Variants in SLC6A12 observed in about 807,000 individuals in gnomAD.
SLC6A12 encodes the protein solute carrier family 6 member 12.
A neutral mutation model predicts 73.3 loss-of-function variants in SLC6A12; 50 were observed. The observed-to-expected ratio is 0.68, with a 90% confidence interval of 0.54 to 0.86. The LOEUF is 0.86. Ranked by LOEUF, SLC6A12 falls within the 40% of genes least tolerant of loss-of-function variation. The probability of loss-of-function intolerance (pLI) is 0.00; values close to 1 mark genes in which losing one functional copy is unlikely to be tolerated. For missense variants in SLC6A12, 648 were observed against 772.8 expected (o/e 0.84, Z 1.92); for synonymous variants, 304 against 309.2 (o/e 0.98, Z 0.18).
chr12:194,449 G>A (rs188375938), intron 13 of SLC6A12, among the ~76,000 whole-genome samples: 4 of 152,348 alleles, frequency 2.6e-5, no homozygotes, highest in South Asian at 2.1e-4. Flanking sequence ...TCCCCCAAGC[G>A]GTGCAGTGGA....
downstream of SLC6A12, among the ~76,000 whole-genome samples, chr12:188,286 C>A (rs1031852431): frequency 1.3e-5 from 2 of 152,170 alleles, no homozygotes; most frequent in Non-Finnish European, 2.9e-5. Flanking sequence ...TAAGGCCCAG[C>A]GAGAAATTGA....
intron 14 of SLC6A12, 106 bp downstream of exon 14, chr12:193,171 G>T (rs1358683011): frequency 7.5e-6 from 6 of 802,972 alleles, no homozygotes; most frequent in Non-Finnish European, 1.3e-5. Context: ...CCCCACGGGA[G>T]ACTGGACAGG....
chr12:196,307 G>A lies in SLC6A12; in HGVS notation c.1189-46C>T, dbSNP rs774665763. The A allele has an allele frequency of 2.0e-5, 31 of 1,582,962 alleles. No individual in the cohort carries two copies. The African/African-American group carries it at 3.9e-4, about 20-fold the overall frequency. ...TGGATGAGAGGGTGTGGGGCGGGCT[G>A]TTGGCCACCAGCCCTGGCCTCCACT... On this transcript the variant is annotated intron_variant, in intron 11 of 15. Transcript: ENST00000684302.
downstream of SLC6A12, among the ~76,000 whole-genome samples, chr12:185,301 C>G (rs937440521): frequency 1.3e-5 from 2 of 152,218 alleles, no homozygotes; most frequent in African/African-American, 4.8e-5. Flanking sequence ...ATGACAAACC[C>G]AAATTCCAAA....
At position 192,490 on chromosome 12, in the gene SLC6A12, A is replaced by T. The variant is rs763653166; in HGVS notation, c.1689T>A (p.Gly563=). Residue 563 remains glycine, a synonymous_variant, in exon 15 of 16, where the codon GGT becomes GGA. Transcript: ENST00000684302. The stretch of plus-strand genomic sequence containing the variant: ...CTACACCACCTACCTTCCTGAAAGG[A>T]CCCCGAGTCTTCAGGAGGGTGATGA... ...FVVITLLKTR[G]PFRKRLRQLI... The T allele has an allele frequency of 6.8e-6, 11 of 1,613,672 alleles. No individual in the cohort carries two copies. In the African/African-American group the frequency reaches 9.4e-5, roughly 14 times the overall value.
chr12:200,742 C>G lies in SLC6A12; in HGVS notation c.620G>C (p.Gly207Ala). 1 of 1,614,052 alleles carries G rather than the reference C, an allele frequency of 6.2e-7. No individual in the cohort carries two copies. The highest frequency in any genetic ancestry group is 8.5e-7 in the Non-Finnish European group (1 of 1,179,980). Reference sequence around the variant, plus strand: ...CAGGGCCAGCTCCCAGCGCAGGGAGCCCAGGTCATGGATGCCCGAGGTGAT... The same window carrying G: ...CAGGGCCAGCTCCCAGCGCAGGGAGGCCAGGTCATGGATGCCCGAGGTGAT... ...LGITSGIHDL[G>A]SLRWELALCL... The change falls in exon 7 of 16, where the codon GGC becomes GCC. Residue 207 changes from glycine (G) to alanine (A), a missense_variant. Physicochemically the swap from Gly to Ala is moderately conservative, Grantham distance 60. Coordinates refer to ENST00000684302, the MANE Select transcript of SLC6A12 (RefSeq NM_001122848.3).
At position 212,089 on chromosome 12, in the gene SLC6A12, C is replaced by G. The variant is rs1758977212; in HGVS notation, c.-121G>C. 6.6e-6 allele frequency: 1 copy of G among 152,228 alleles called. No homozygotes were observed. The highest frequency in any genetic ancestry group is 1.5e-5 in the Non-Finnish European group (1 of 68,052). 9.4% of individuals were successfully genotyped at this position (152,228 alleles called of 1,614,324 possible). A position where few individuals can be genotyped will look rare whatever the true frequency, so the allele number is the denominator to read the frequency against. ...GTGTGACCTCAGGCAAATCACACCCCCTCTCTGAACTCTAAGTTTCCCTGG... is the reference window on the plus strand; with the variant it reads ...GTGTGACCTCAGGCAAATCACACCCGCTCTCTGAACTCTAAGTTTCCCTGG... On this transcript the variant is annotated 5_prime_UTR_variant, in exon 2 of 16. Transcript: ENST00000684302.
At chr12:189,338 CTG>C (rs1277046513), downstream of SLC6A12, among the ~76,000 whole-genome samples, 15 of 152,198 alleles carry the variant, frequency 9.9e-5, no homozygotes, top group Admixed American at 3.3e-4. Flanking sequence ...GGCCTCGTAA[CTG>C]AGAGCATCTG....
chr12:185,246 G>A (rs1453988408), downstream of SLC6A12, among the ~76,000 whole-genome samples: 3 of 152,206 alleles, frequency 2.0e-5, no homozygotes, highest in African/African-American at 2.4e-5. Context: ...GGCCCCACCC[G>A]CTGTCATGGC....
chr12:186,494 T>G (rs763860371), downstream of SLC6A12, among the ~76,000 whole-genome samples: 8 of 152,228 alleles, frequency 5.3e-5, no homozygotes, highest in Non-Finnish European at 1.0e-4. Flanking sequence ...TGGCTGGGCA[T>G]TTCTGGCTCA....
downstream of SLC6A12, among the ~76,000 whole-genome samples, chr12:189,068 C>G (rs1444850289): frequency 2.0e-5 from 3 of 152,216 alleles, no homozygotes; most frequent in Admixed American, 2.0e-4. Flanking sequence ...CTGTGCGGTC[C>G]GCAGAGAGCG....
downstream of SLC6A12, among the ~76,000 whole-genome samples, chr12:186,750 T>A (rs928136796): frequency 1.3e-5 from 2 of 152,228 alleles, no homozygotes; most frequent in Non-Finnish European, 2.9e-5. Flanking sequence ...TATTGAGATG[T>A]AGCTCTGAAA....
intron 6 of SLC6A12, 135 bp from the exon 7 acceptor site, chr12:200,918 C>G (rs1565472933): frequency 1.2e-6 from 1 of 829,556 alleles, no homozygotes; most frequent in Non-Finnish European, 1.8e-6. Flanking sequence ...CCCCACCTCC[C>G]CCACAGTCAG....
intron 7 of SLC6A12, among the ~76,000 whole-genome samples, chr12:200,160 G>C (rs533662516): frequency 4.8e-4 from 70 of 145,752 alleles, no homozygotes; most frequent in African/African-American, 1.6e-3. Context: ...CCAGGCTGGA[G>C]TGCAGTGGCG....
At chr12:210,283 G>A (rs1940850813) in intron 2 of SLC6A12, 3 of 1,178,400 alleles carry the variant, frequency 2.5e-6, no homozygotes, top group Non-Finnish European at 2.2e-6. Context: ...CTCAGGAGTG[G>A]AACCGTGATG....
chr12:184,102 A>G, the SLC6A12 span, among the ~76,000 whole-genome samples: 1 of 152,296 alleles, frequency 6.6e-6, no homozygotes, highest in Non-Finnish European at 1.5e-5. Context: ...ACAAAAAAAA[A>G]TATGCCATAA....
In SLC6A12 at chr12:196,951, C is replaced by G. The variant is rs548198341; in HGVS notation, c.1076-69G>C. ...CTGCCCTTGGGGAAGAGGCGTCTCT[C>G]TAAGCACTGTGTGTGTGTGTACCTG... On this transcript the variant is annotated intron_variant, in intron 10 of 15. Coordinates refer to ENST00000684302, the MANE Select transcript of SLC6A12 (RefSeq NM_001122848.3). 351 of 1,049,464 alleles carry G rather than the reference C, an allele frequency of 3.3e-4. 2 individuals are homozygous for G. Among genetic ancestry groups the G allele is most frequent in the South Asian group, 8.2e-4 (64 of 78,424 alleles). The allele number at this position is 1,049,464 out of a possible 1,614,324, so 65.0% of individuals were successfully genotyped here.
At chr12:205,836 C>G (rs1198921037) in intron 3 of SLC6A12, among the ~76,000 whole-genome samples, 1 of 152,194 alleles carries the variant, frequency 6.6e-6, no homozygotes, top group African/African-American at 2.4e-5. Context: ...TCAGTAAATA[C>G]ATATCTACCT....
Position 210,013 on chromosome 12 carries a change from G to T in SLC6A12, c.-27C>A. On this transcript the variant is annotated 5_prime_UTR_variant, in exon 3 of 16. Transcript: ENST00000684302. ...GCTGTGTGGTGGGTTGGGAAGCCCCGCTGGGTGGGCAGGATGACGAGGGCC... is the reference window on the plus strand; with the variant it reads ...GCTGTGTGGTGGGTTGGGAAGCCCCTCTGGGTGGGCAGGATGACGAGGGCC... 6.2e-7 allele frequency: 1 copy of T among 1,610,628 alleles called. No individual in the cohort carries two copies. The highest frequency in any genetic ancestry group is 1.1e-5 in the South Asian group (1 of 90,940).
Sources: gnomAD v4.1 joint callset for allele counts (sites outside exome capture counted in the v4.1 genomes callset) on GRCh38, gnomAD v4.1.1 for gene constraint, MANE v1.5 for transcripts, NCBI Gene and HGNC (gene_info 2026-07-23, HGNC 2026-07-21) for gene names.